Variants in ROBO2 observed in about 807,000 individuals in gnomAD.
ROBO2 encodes roundabout homolog 2.
Under a neutral mutation model 160.8 loss-of-function variants are expected in ROBO2, and 53 were observed. The observed-to-expected ratio is 0.33, with a 90% CI of 0.26 to 0.41. The LOEUF (loss-of-function observed/expected upper bound fraction) is 0.41. ROBO2 is among the 10% of genes least tolerant of loss of function. The pLI is 1.00. For synonymous variants in ROBO2, 664 were observed against 611.7 expected (o/e 1.09, Z -1.26); for missense variants, 1,577 against 1,722.4 (o/e 0.92, Z 1.49).
At chr3:76,319,239 G>C (rs894674530) in intron 2 of ROBO2, among the ~76,000 whole-genome samples, 1 of 151,954 alleles carries the variant, frequency 6.6e-6, no homozygotes, top group Non-Finnish European at 1.5e-5. Flanking sequence ...TAAAATCAAA[G>C]TTCCAAAGTC....
intron 2 of ROBO2, among the ~76,000 whole-genome samples, chr3:76,754,341 A>G (rs1475842514): frequency 6.6e-6 from 1 of 151,942 alleles, no homozygotes; most frequent in Non-Finnish European, 1.5e-5. Flanking sequence ...GTATCTGGAC[A>G]GAAGCCTCGT....
intron 2 of ROBO2, among the ~76,000 whole-genome samples, chr3:76,907,412 C>T (rs562061973): frequency 8.5e-5 from 13 of 152,204 alleles, no homozygotes; most frequent in African/African-American, 2.4e-4. Context: ...TACAGTAGAA[C>T]GAGACTGGAT....
chr3:76,421,065 A>G (rs1043567870), intron 2 of ROBO2, among the ~76,000 whole-genome samples: 2 of 152,208 alleles, frequency 1.3e-5, no homozygotes, highest in African/African-American at 2.4e-5. Flanking sequence ...TAGTTTCACA[A>G]TAATGCTAGG....
chr3:75,956,539 C>G (rs778606763), intron 2 of ROBO2, among the ~76,000 whole-genome samples: 6 of 151,580 alleles, frequency 4.0e-5, no homozygotes, highest in Non-Finnish European at 8.9e-5. Context: ...AATCCATTGC[C>G]ATGTTCCTTG....
At position 76,409,946 on chromosome 3, in the gene ROBO2, C is replaced by T. The variant is rs1215902510; in HGVS notation, c.109+472344C>T. Among the ~76,000 whole-genome samples the T allele has an allele frequency of 3.3e-5, 5 of 152,064 alleles. No homozygotes were observed. The East Asian group carries it at 5.8e-4, about 18-fold the overall frequency. ...CCCCAAACATGTGTTCACAGCAATC[C>T]ATTTTATAATTGCTCATTTTATATC... is the stretch of plus-strand genomic sequence containing the variant. On this transcript the variant is annotated intron_variant, in intron 2 of 26. Transcript: ENST00000487694.
At chr3:76,339,222 A>C (rs1486201994) in intron 2 of ROBO2, among the ~76,000 whole-genome samples, 2 of 152,164 alleles carry the variant, frequency 1.3e-5, no homozygotes, top group Non-Finnish European at 2.9e-5. Context: ...TTGATAAAAA[A>C]GTGAAGAGTA....
intron 2 of ROBO2, among the ~76,000 whole-genome samples, chr3:76,638,059 T>C (rs192752840): frequency 2.6e-3 from 402 of 152,306 alleles, no homozygotes; most frequent in Non-Finnish European, 4.9e-3. Context: ...GCAGTTTATT[T>C]TTTAAAGTGT....
chr3:76,434,428 G>T (rs192955752), intron 2 of ROBO2: 1 of 1,564,438 alleles, frequency 6.4e-7, no homozygotes, highest in Admixed American at 1.7e-5. Flanking sequence ...TGGGCTGGGT[G>T]GCTATGGCCC....
intron 1 of ROBO2, among the ~76,000 whole-genome samples, chr3:77,059,921 CA>C (rs780459828): frequency 5.3e-5 from 8 of 152,154 alleles, no homozygotes; most frequent in Middle Eastern, 3.4e-3. Context: ...TGAGACCCTT[CA>C]GAGTATATAC....
intron 2 of ROBO2, among the ~76,000 whole-genome samples, chr3:77,276,977 A>G (rs546887059): frequency 6.6e-6 from 1 of 152,182 alleles, no homozygotes; most frequent in Admixed American, 6.5e-5. Flanking sequence ...AATTATCTTC[A>G]CCTGGCCCTG....
chr3:77,436,994 T>C (rs1014833120), intron 2 of ROBO2, among the ~76,000 whole-genome samples: 1 of 152,014 alleles, frequency 6.6e-6, no homozygotes, highest in African/African-American at 2.4e-5. Flanking sequence ...ATACACATGA[T>C]TTTCTACTTT....
chr3:76,891,409 C>T (rs1435925469), intron 2 of ROBO2, among the ~76,000 whole-genome samples: 2 of 152,098 alleles, frequency 1.3e-5, no homozygotes, highest in African/African-American at 4.8e-5. Context: ...ACCATCAGAT[C>T]CTAGTATCTC....
chr3:77,152,965 A>G (rs369719986), intron 2 of ROBO2, among the ~76,000 whole-genome samples: 1 of 151,932 alleles, frequency 6.6e-6, no homozygotes, highest in Non-Finnish European at 1.5e-5. Flanking sequence ...CCACTGATCT[A>G]CTCTATCTAT....
At chr3:76,076,907 C>A (rs1285500301) in intron 2 of ROBO2, among the ~76,000 whole-genome samples, 1 of 152,166 alleles carries the variant, frequency 6.6e-6, no homozygotes, top group Non-Finnish European at 1.5e-5. Flanking sequence ...TAAATTATAA[C>A]TGTTGTTTTG....
chr3:76,344,829 C>G (rs2074430819), intron 2 of ROBO2, among the ~76,000 whole-genome samples: 1 of 152,132 alleles, frequency 6.6e-6, no homozygotes, highest in South Asian at 2.1e-4. Flanking sequence ...GTGATAATAA[C>G]AGTGACTGTG....
intron 2 of ROBO2, among the ~76,000 whole-genome samples, chr3:77,274,413 T>A (rs910764728): frequency 1.3e-5 from 2 of 152,134 alleles, no homozygotes; most frequent in East Asian, 3.8e-4. Context: ...ATGTTTTATA[T>A]TTATTCATGA....
At position 76,013,385 on chromosome 3, in the gene ROBO2, A is replaced by G. The variant is rs557145131; in HGVS notation, c.109+75783A>G. Reference sequence around the variant, plus strand: ...CCCAGAAGTGGTATATATAAAGGCAATTGACGACTGGGCACGGTGGCTTAT... The same window carrying G: ...CCCAGAAGTGGTATATATAAAGGCAGTTGACGACTGGGCACGGTGGCTTAT... On this transcript the variant is annotated intron_variant, in intron 2 of 26. Coordinates refer to the ROBO2 transcript ENST00000487694. Among the ~76,000 whole-genome samples, 17 of 148,230 alleles carry G rather than the reference A, an allele frequency of 1.1e-4. No homozygotes were observed. The South Asian group carries it at 3.3e-3, about 28-fold the overall frequency.
chr3:76,465,902 A>G (rs1460853382), intron 2 of ROBO2, among the ~76,000 whole-genome samples: 1 of 151,942 alleles, frequency 6.6e-6, no homozygotes, highest in African/African-American at 2.4e-5. Flanking sequence ...TGATAAGCAA[A>G]GACAAAAAAA....
intron 2 of ROBO2, among the ~76,000 whole-genome samples, chr3:77,009,087 A>C (rs969688720): frequency 6.6e-6 from 1 of 152,186 alleles, no homozygotes; most frequent in African/African-American, 2.4e-5. Flanking sequence ...AAAATAAATT[A>C]ATACTTACTT....
Sources: allele counts gnomAD v4.1 joint callset (sites outside exome capture counted in the v4.1 genomes callset), GRCh38; gene constraint gnomAD v4.1.1; transcripts MANE v1.5; gene names NCBI Gene and HGNC (gene_info 2026-07-23, HGNC 2026-07-21).